Variants in DCC observed in about 807,000 individuals in gnomAD.
DCC encodes the protein DCC netrin 1 receptor.
A neutral mutation model predicts 172.5 loss-of-function variants in DCC; 58 were observed. The observed-to-expected ratio is 0.34, with a 90% CI of 0.27 to 0.42. DCC has a LOEUF of 0.42. Ranked by LOEUF, DCC falls within the 10% of genes least tolerant of loss-of-function variation. The pLI is 1.00. For missense variants in DCC, 1,740 were observed against 1,791.0 expected, an observed-to-expected ratio of 0.97 and a Z score of 0.51; for synonymous variants, 709 against 644.5, an observed-to-expected ratio of 1.10 and a Z score of -1.52.
intron 1 of DCC, among the ~76,000 whole-genome samples, chr18:52,504,122 G>T (rs544304980): frequency 1.3e-5 from 2 of 152,062 alleles, no homozygotes; most frequent in Non-Finnish European, 2.9e-5. Flanking sequence ...CCAGCTTCCC[G>T]TTCAAAGAGG....
chr18:53,312,369 A>C (rs1018049856), intron 13 of DCC, among the ~76,000 whole-genome samples: 1 of 146,996 alleles, frequency 6.8e-6, no homozygotes, highest in African/African-American at 2.5e-5. Context: ...AAAAAGAAAA[A>C]GAAAAAGATA....
At chr18:53,508,971 T>C (rs1489090598) in intron 27 of DCC, among the ~76,000 whole-genome samples, 1 of 152,226 alleles carries the variant, frequency 6.6e-6, no homozygotes, top group Admixed American at 6.5e-5. Flanking sequence ...TAAGGCCTTA[T>C]ATCCAACAGG....
intron 1 of DCC, among the ~76,000 whole-genome samples, chr18:52,462,145 G>T (rs958358270): frequency 6.6e-6 from 1 of 152,100 alleles, no homozygotes; most frequent in Non-Finnish European, 1.5e-5. Context: ...GGAAGTTATT[G>T]CCATAAGCAC....
rs139909557 is a variant in DCC at position 52,625,014 on chromosome 18, A to G, written c.92-127040A>G. Among the ~76,000 whole-genome samples, 882 of 152,302 alleles carry G rather than the reference A, an allele frequency of 5.8e-3. 10 individuals carry two copies. The highest frequency in any genetic ancestry group is 0.02 in the African/African-American group (840 of 41,568). ...GGATGGTACAGCCTACTACACACCTAGGCTGTATGGTGTAGCCTATTGTTC... is the reference window on the plus strand; with the variant it reads ...GGATGGTACAGCCTACTACACACCTGGGCTGTATGGTGTAGCCTATTGTTC... On this transcript the variant is annotated intron_variant, in intron 1 of 28. Coordinates refer to ENST00000442544, the MANE Select transcript of DCC (RefSeq NM_005215.4).
chr18:52,668,672 G>A (rs554997618), intron 1 of DCC, among the ~76,000 whole-genome samples: 5 of 152,292 alleles, frequency 3.3e-5, no homozygotes, highest in Non-Finnish European at 7.4e-5. Context: ...TTTTCTTTGT[G>A]AACTTCTCAA....
At chr18:52,573,725 C>T (rs567519193) in intron 1 of DCC, among the ~76,000 whole-genome samples, 47 of 152,212 alleles carry the variant, frequency 3.1e-4, no homozygotes, top group Non-Finnish European at 4.6e-4. Flanking sequence ...TTGGAAAAGC[C>T]CATAAAGACC....
chr18:53,089,608 A>AC (rs1198903758), intron 7 of DCC, among the ~76,000 whole-genome samples: 6 of 151,948 alleles, frequency 3.9e-5, no homozygotes, highest in Non-Finnish European at 7.4e-5. Context: ...AAAACAAAAA[A>AC]CAAAAAACTT....
intron 15 of DCC, among the ~76,000 whole-genome samples, chr18:53,376,895 C>A (rs1047580447): frequency 6.6e-6 from 1 of 152,092 alleles, no homozygotes; most frequent in African/African-American, 2.4e-5. Context: ...ATGTTACTCA[C>A]GTCCATTGTT....
intron 5 of DCC, among the ~76,000 whole-genome samples, chr18:53,025,590 G>T (rs116914281): frequency 0.01 from 1,546 of 152,130 alleles, 15 homozygotes; most frequent in Non-Finnish European, 0.016. Flanking sequence ...CACTATTCCA[G>T]AATAAGACTC....
intron 1 of DCC, among the ~76,000 whole-genome samples, chr18:52,386,074 T>A (rs2144335744): frequency 6.6e-6 from 1 of 152,208 alleles, no homozygotes; most frequent in African/African-American, 2.4e-5. Context: ...TTTCTAGACA[T>A]CTAGCATAAG....
rs1458982165 is a variant in DCC at position 52,610,169 on chromosome 18, AAAAAAAAAAATATATATATAT to A, written c.92-141883_92-141863del. On this transcript the variant is annotated intron_variant, in intron 1 of 28. Coordinates refer to ENST00000442544, the MANE Select transcript of DCC (RefSeq NM_005215.4). ...TCTCTCATAAAAAAAAAAAAAAAAA[AAAAAAAAAAATATATATATAT>A]ATATATATATATATATATATATATA... is the stretch of plus-strand genomic sequence containing the variant. Among the ~76,000 whole-genome samples the A allele has an allele frequency of 3.5e-3, 96 of 27,240 alleles. 1 individual carries two copies. The highest frequency in any genetic ancestry group is 0.015 in the African/African-American group (89 of 6,044). 17.9% of individuals were successfully genotyped at this position (27,240 alleles called of 152,430 possible).
At chr18:53,052,897 C>T (rs1337892850) in intron 5 of DCC, among the ~76,000 whole-genome samples, 1 of 152,100 alleles carries the variant, frequency 6.6e-6, no homozygotes, top group African/African-American at 2.4e-5. Context: ...AATCCCAGCA[C>T]TTTGGGAGGC....
intron 5 of DCC, among the ~76,000 whole-genome samples, chr18:53,002,802 T>G (rs571162358): frequency 6.6e-6 from 1 of 152,034 alleles, no homozygotes; most frequent in Non-Finnish European, 1.5e-5. Flanking sequence ...ATGGGAGAGG[T>G]CGAAATGATG....
chr18:53,381,422 C>T (rs1907722563), intron 15 of DCC, among the ~76,000 whole-genome samples: 1 of 151,834 alleles, frequency 6.6e-6, no homozygotes, highest in Non-Finnish European at 1.5e-5. Context: ...AGCTGTTAAC[C>T]CTGATTAGGA....
intron 1 of DCC, among the ~76,000 whole-genome samples, chr18:52,505,507 G>A (rs752555193): frequency 1.3e-5 from 2 of 151,986 alleles, no homozygotes; most frequent in African/African-American, 2.4e-5. Context: ...TTGAATCTTC[G>A]CTAAACGGCA....
chr18:53,456,869 T>C (rs1350466028), intron 23 of DCC, among the ~76,000 whole-genome samples: 2 of 152,196 alleles, frequency 1.3e-5, no homozygotes, highest in South Asian at 2.1e-4. Context: ...CCTGTTCCTA[T>C]AGGTTTTAAG....
chr18:53,327,746 G>T (rs1210474765), intron 14 of DCC, among the ~76,000 whole-genome samples: 1 of 152,218 alleles, frequency 6.6e-6, no homozygotes, highest in Non-Finnish European at 1.5e-5. Context: ...ATTTACACCA[G>T]TGAGCAAAAG....
At chr18:53,123,483 A>T (rs2043512622) in intron 7 of DCC, among the ~76,000 whole-genome samples, 1 of 152,096 alleles carries the variant, frequency 6.6e-6, no homozygotes, top group African/African-American at 2.4e-5. Context: ...AGTCATTCTA[A>T]GGCCTCAAAT....
At chr18:52,345,698 C>T (rs1983848087) in intron 1 of DCC, among the ~76,000 whole-genome samples, 1 of 152,196 alleles carries the variant, frequency 6.6e-6, no homozygotes, top group South Asian at 2.1e-4. Context: ...CCCACAGGCA[C>T]TGTGTTTAAT....
Sources: allele counts gnomAD v4.1 joint callset (sites outside exome capture counted in the v4.1 genomes callset), GRCh38; gene constraint gnomAD v4.1.1; transcripts MANE v1.5; gene names NCBI Gene and HGNC (gene_info 2026-07-23, HGNC 2026-07-21).